ELAVL2: variants seen among roughly 807,000 people sequenced by gnomAD.
The protein encoded by ELAVL2 is ELAV like RNA binding protein 2, also known as ELAV-like protein 2.
A neutral mutation model predicts 34.6 loss-of-function variants in ELAVL2; 4 were observed. The ratio of observed to expected loss-of-function variants is 0.12; its 90% CI spans 0.06 to 0.26. The LOEUF is 0.26. Among genes scored for constraint, ELAVL2 ranks in the 10% least tolerant of loss-of-function variants. The probability of loss-of-function intolerance (pLI) is 1.00; values close to 1 mark genes in which losing one functional copy is unlikely to be tolerated. For missense variants in ELAVL2, 432 were observed against 442.8 expected (o/e 0.98, Z 0.22); for synonymous variants, 193 against 154.8 (o/e 1.25, Z -1.83).
intron 5 of ELAVL2, among the ~76,000 whole-genome samples, chr9:23,698,296 T>C (rs2035963772): frequency 6.6e-6 from 1 of 152,222 alleles, no homozygotes; most frequent in Non-Finnish European, 1.5e-5. Context: ...GCTTGTCCTA[T>C]TTTGAAAACT....
At position 23,787,262 on chromosome 9, in the gene ELAVL2, A is replaced by AT. The variant is rs750594918; in HGVS notation, c.-15-25014dup. The stretch of plus-strand genomic sequence containing the variant: ...TAATAAAATGGGTCATTTCATCCCC[A>AT]TTTTTTTTTTTTTTGAGACGGAGTT... On this transcript the variant is annotated intron_variant, in intron 1 of 6. Transcript: ENST00000397312. 5.1e-3 allele frequency among the ~76,000 whole-genome samples: 725 copies of AT among 141,612 alleles called. 5 individuals carry two copies. The highest frequency in any genetic ancestry group is 0.011 in the Middle Eastern group (3 of 268). The allele number at this position is 141,612 out of a possible 152,430, so 92.9% of individuals were successfully genotyped here.
intron 2 of ELAVL2, among the ~76,000 whole-genome samples, chr9:23,733,072 T>C (rs565598852): frequency 1.3e-5 from 2 of 151,676 alleles, no homozygotes; most frequent in Non-Finnish European, 2.9e-5. Flanking sequence ...CATAGTCTAA[T>C]TGCCCTTTCT....
intron 1 of ELAVL2, chr9:23,765,216 G>T: frequency 1.1e-6 from 1 of 870,914 alleles, no homozygotes; most frequent in Non-Finnish European, 1.7e-6. Context: ...ATGCAGTGTG[G>T]CTTAATTGAA....
At chr9:23,821,017 G>A (rs1399626964) in intron 1 of ELAVL2, among the ~76,000 whole-genome samples, 3 of 152,194 alleles carry the variant, frequency 2.0e-5, no homozygotes, top group African/African-American at 7.2e-5. Flanking sequence ...CGCGGCCGGT[G>A]TTAAGTCTCC....
In ELAVL2 at chr9:23,692,965, T is replaced by G. The variant is rs954289641; in HGVS notation, c.753-81A>C. 2.8e-5 allele frequency: 36 copies of G among 1,297,156 alleles called. No individual in the cohort carries two copies. In the Admixed American group the frequency reaches 3.9e-4, roughly 14 times the overall value. 80.4% of individuals were successfully genotyped at this position (1,297,156 alleles called of 1,614,324 possible). A position where few individuals can be genotyped will look rare whatever the true frequency, so the allele number is the denominator to read the frequency against. On this transcript the variant is annotated intron_variant, in intron 6 of 6. Transcript: ENST00000397312. The stretch of plus-strand genomic sequence containing the variant: ...GGTTATAGCAATGAACGTATACCTT[T>G]TCCATCCCCAAGAATTTTAGTAACT...
intron 5 of ELAVL2, among the ~76,000 whole-genome samples, chr9:23,698,703 A>G (rs1384340053): frequency 1.3e-5 from 2 of 152,190 alleles, no homozygotes; most frequent in East Asian, 1.9e-4. Flanking sequence ...AATACCAACA[A>G]AACAAGCAAG....
intron 2 of ELAVL2, among the ~76,000 whole-genome samples, chr9:23,747,526 A>G (rs1457059369): frequency 2.0e-5 from 3 of 152,126 alleles, no homozygotes; most frequent in Non-Finnish European, 4.4e-5. Context: ...GCTCAGACAA[A>G]GACTACTGAA....
At chr9:23,722,419 T>C (rs946133672) in intron 3 of ELAVL2, among the ~76,000 whole-genome samples, 4 of 152,190 alleles carry the variant, frequency 2.6e-5, no homozygotes, top group African/African-American at 9.7e-5. Context: ...GACCTCCAGA[T>C]CCAGTTTTCT....
chr9:23,721,132 T>C (rs1185330516), intron 3 of ELAVL2, among the ~76,000 whole-genome samples: 3 of 152,180 alleles, frequency 2.0e-5, no homozygotes, highest in Admixed American at 1.3e-4. Flanking sequence ...GCCAGGTAGC[T>C]TGAAAGCAAA....
intron 1 of ELAVL2, among the ~76,000 whole-genome samples, chr9:23,779,999 A>ACTTC (rs2058828969): frequency 4.4e-5 from 1 of 22,662 alleles, no homozygotes; most frequent in Non-Finnish European, 6.7e-5. Flanking sequence ...AAAAAAAAAA[A>ACTTC]AAAAAAAAAA....
intron 2 of ELAVL2, among the ~76,000 whole-genome samples, chr9:23,731,961 T>C (rs2046680028): frequency 6.6e-6 from 1 of 152,140 alleles, no homozygotes; most frequent in African/African-American, 2.4e-5. Flanking sequence ...TCAAAAGCAG[T>C]TGCATCAATG....
chr9:23,779,193 G>A, intron 1 of ELAVL2: 1 of 985,344 alleles, frequency 1.0e-6, no homozygotes, highest in Non-Finnish European at 1.2e-6. Flanking sequence ...GGTAAAACAG[G>A]AGGTAAGTGG....
chr9:23,708,320 C>A (rs1422965916), intron 3 of ELAVL2, among the ~76,000 whole-genome samples: 1 of 152,162 alleles, frequency 6.6e-6, no homozygotes, highest in South Asian at 2.1e-4. Flanking sequence ...TTTGTCTGTG[C>A]CTCACAACAA....
intron 1 of ELAVL2, among the ~76,000 whole-genome samples, chr9:23,816,876 T>G (rs749715208): frequency 6.6e-6 from 1 of 152,170 alleles, no homozygotes; most frequent in African/African-American, 2.4e-5. Context: ...TTCAGTAGGT[T>G]AGGCGTATTA....
At chr9:23,797,220 G>C (rs71506784) in intron 1 of ELAVL2, among the ~76,000 whole-genome samples, 1 of 152,112 alleles carries the variant, frequency 6.6e-6, no homozygotes, top group Admixed American at 6.6e-5. Flanking sequence ...AAGCCCAAAA[G>C]TGAACCTCTA....
chr9:23,787,565 A>T (rs1171943070), intron 1 of ELAVL2, among the ~76,000 whole-genome samples: 1 of 146,862 alleles, frequency 6.8e-6, no homozygotes, highest in Admixed American at 7.2e-5. Context: ...AAATAGGCTT[A>T]AAAAAACAAA....
intron 2 of ELAVL2, among the ~76,000 whole-genome samples, chr9:23,752,703 C>A (rs569428071): frequency 6.6e-6 from 1 of 152,248 alleles, no homozygotes; most frequent in African/African-American, 2.4e-5. Flanking sequence ...GATCTGCCCA[C>A]CTTGGCCTCC....
At chr9:23,752,125 C>T (rs1315741222) in intron 2 of ELAVL2, among the ~76,000 whole-genome samples, 1 of 152,148 alleles carries the variant, frequency 6.6e-6, no homozygotes, top group African/African-American at 2.4e-5. Context: ...AAGTCTGCAA[C>T]TGTCACGTAA....
At chr9:23,702,889 C>T (rs760004923) in intron 4 of ELAVL2, among the ~76,000 whole-genome samples, 9 of 134,312 alleles carry the variant, frequency 6.7e-5, no homozygotes, top group Non-Finnish European at 1.2e-4. Context: ...TATCTACTAG[C>T]GCCTATTAAG....
Sources: allele counts gnomAD v4.1 joint callset (sites outside exome capture counted in the v4.1 genomes callset), GRCh38; gene constraint gnomAD v4.1.1; transcripts MANE v1.5; gene names NCBI Gene and HGNC (gene_info 2026-07-23, HGNC 2026-07-21).